The following GRIA3 variants were observed in gnomAD, a reference collection of about 807,000 sequenced individuals.
GRIA3 encodes the protein glutamate ionotropic receptor AMPA type subunit 3.
Under a neutral mutation model 63.0 loss-of-function variants are expected in GRIA3, and 3 were observed. The observed-to-expected ratio is 0.05, with a 90% CI of 0.02 to 0.12. The LOEUF (loss-of-function observed/expected upper bound fraction) is 0.12, where lower values mean the gene tolerates loss of function less well. GRIA3 is among the 10% of genes least tolerant of loss of function. The pLI, the probability that GRIA3 is intolerant of heterozygous loss-of-function variation, is 1.00. For synonymous variants in GRIA3, 274 were observed against 257.9 expected (o/e 1.06, Z -0.60); for missense variants, 347 against 700.9 (o/e 0.50, Z 5.70).
intron 12 of GRIA3, among the ~76,000 whole-genome samples, chrX:123,457,089 G>A (rs1037849380): frequency 9.8e-5 from 11 of 111,831 alleles, no homozygotes; most frequent in Non-Finnish European, 1.5e-4. Flanking sequence ...AAATGAGTGA[G>A]GAAAAGTCAT....
intron 2 of GRIA3, among the ~76,000 whole-genome samples, chrX:123,238,503 T>G (rs1421866365): frequency 2.7e-5 from 3 of 112,087 alleles, no homozygotes; most frequent in African/African-American, 9.7e-5. Flanking sequence ...ATACATTTTA[T>G]TTTATGACCC....
At chrX:123,230,620 T>C (rs2044271113) in intron 2 of GRIA3, among the ~76,000 whole-genome samples, 1 of 111,347 alleles carries the variant, frequency 9.0e-6, no homozygotes, top group Non-Finnish European at 1.9e-5. Flanking sequence ...GTATAAATTA[T>C]AAAAATAACA....
intron 5 of GRIA3, among the ~76,000 whole-genome samples, chrX:123,384,992 CTTTAG>C (rs1236511022): frequency 2.7e-5 from 3 of 112,245 alleles, no homozygotes; most frequent in Admixed American, 9.4e-5. Flanking sequence ...TGCAGAAGCT[CTTTAG>C]TTTAATTAGG....
intron 3 of GRIA3, among the ~76,000 whole-genome samples, chrX:123,257,844 G>T (rs1237531349): frequency 9.0e-6 from 1 of 110,988 alleles, no homozygotes; most frequent in Non-Finnish European, 1.9e-5. Context: ...GCACAACCAG[G>T]GTAAAGTTTT....
At chrX:123,241,107 C>A (rs1384856167) in intron 2 of GRIA3, among the ~76,000 whole-genome samples, 1 of 111,524 alleles carries the variant, frequency 9.0e-6, no homozygotes, top group African/African-American at 3.3e-5. Context: ...AAGTAGCATG[C>A]CCAATAATTT....
chrX:123,210,755 C>T (rs1928022578), intron 2 of GRIA3, among the ~76,000 whole-genome samples: 1 of 111,694 alleles, frequency 9.0e-6, no homozygotes, highest in African/African-American at 3.2e-5. Flanking sequence ...TAAGGCTAGG[C>T]CTTTGCTGAT....
At chrX:123,247,760 GGAAAAGTGAAA>G (rs1430920174) in intron 2 of GRIA3, among the ~76,000 whole-genome samples, 2 of 111,041 alleles carry the variant, frequency 1.8e-5, no homozygotes, top group Non-Finnish European at 3.8e-5. Context: ...GAAATGGATA[GGAAAAGTGAAA>G]GAGATGGAAA....
intron 3 of GRIA3, among the ~76,000 whole-genome samples, chrX:123,264,663 C>A (rs1205217438): frequency 8.9e-6 from 1 of 111,954 alleles, no homozygotes; most frequent in Non-Finnish European, 1.9e-5. Context: ...TCTTCTCAGG[C>A]AGCCACTTTA....
At chrX:123,279,759 A>G (rs748044655) in intron 3 of GRIA3, among the ~76,000 whole-genome samples, 4 of 111,297 alleles carry the variant, frequency 3.6e-5, no homozygotes, top group Non-Finnish European at 7.5e-5. Flanking sequence ...ATTTCCCAGC[A>G]TGTTAATTTC....
chrX:123,325,340 C>A lies in GRIA3; in HGVS notation c.509-686C>A, dbSNP rs148368990. Among the ~76,000 whole-genome samples, 453 of 111,178 alleles carry A rather than the reference C, an allele frequency of 4.1e-3. 3 individuals are homozygous for A. Among genetic ancestry groups the A allele is most frequent in the African/African-American group, 0.013 (407 of 30,568 alleles). On this transcript the variant is annotated intron_variant, in intron 3 of 15. Transcript: ENST00000620443. Reference sequence around the variant, plus strand: ...TCTCTTTTTCTCATTCAATATAGATCCAGGGTAATGGTAGCTAACAGTTAT... The same window carrying A: ...TCTCTTTTTCTCATTCAATATAGATACAGGGTAATGGTAGCTAACAGTTAT...
intron 5 of GRIA3, among the ~76,000 whole-genome samples, chrX:123,357,648 G>A (rs1237185320): frequency 9.1e-6 from 1 of 110,108 alleles, no homozygotes; most frequent in East Asian, 2.8e-4. Context: ...TGGAGTGATA[G>A]AACTGAAAGA....
At chrX:123,257,894 G>C (rs1714432990) in intron 3 of GRIA3, among the ~76,000 whole-genome samples, 1 of 112,003 alleles carries the variant, frequency 8.9e-6, no homozygotes, top group Non-Finnish European at 1.9e-5. Context: ...TCAGGGCTTT[G>C]TTGACTCTGC....
intron 12 of GRIA3, among the ~76,000 whole-genome samples, chrX:123,448,139 C>G (rs1307289119): frequency 1.8e-5 from 2 of 112,360 alleles, no homozygotes; most frequent in African/African-American, 3.2e-5. Context: ...TAAATAAGAA[C>G]AGCAAGAATA....
At chrX:123,308,176 T>C (rs1355309108) in intron 3 of GRIA3, among the ~76,000 whole-genome samples, 1 of 112,094 alleles carries the variant, frequency 8.9e-6, no homozygotes, top group Admixed American at 9.5e-5. Flanking sequence ...CCAATCTGTG[T>C]TAACCAGCCA....
In GRIA3 at chrX:123,403,763, G is replaced by A. The variant is rs73553771; in HGVS notation, c.1293+244G>A. Among the ~76,000 whole-genome samples the A allele has an allele frequency of 0.012, 1,345 of 111,328 alleles. 25 individuals carry two copies. The highest frequency in any genetic ancestry group is 0.041 in the African/African-American group (1,243 of 30,653). On this transcript the variant is annotated intron_variant, in intron 9 of 15. Transcript: ENST00000620443. ...GATTATCATTTTCCTCTTTCTCCCC[G>A]CCTCCATGCCCGCCCGCATAGGACT... is the stretch of plus-strand genomic sequence containing the variant.
chrX:123,384,852 T>A (rs2045345745), intron 5 of GRIA3, among the ~76,000 whole-genome samples: 2 of 111,842 alleles, frequency 1.8e-5, no homozygotes, highest in African/African-American at 6.5e-5. Flanking sequence ...GTTGTTTGAG[T>A]TTTTTGTGTA....
intron 2 of GRIA3, among the ~76,000 whole-genome samples, chrX:123,210,812 A>G (rs932842519): frequency 5.4e-5 from 6 of 111,908 alleles, no homozygotes; most frequent in African/African-American, 1.6e-4. Context: ...ATCTAAGACT[A>G]TGCATATTCG....
At chrX:123,205,391 C>T (rs781540207) in intron 2 of GRIA3, among the ~76,000 whole-genome samples, 1 of 112,186 alleles carries the variant, frequency 8.9e-6, no homozygotes, top group Admixed American at 9.4e-5. Context: ...ATGCATCAAA[C>T]ACCTCCACAC....
At chrX:123,418,853 C>T in intron 11 of GRIA3, among the ~76,000 whole-genome samples, 1 of 112,104 alleles carries the variant, frequency 8.9e-6, no homozygotes, top group Non-Finnish European at 1.9e-5. Flanking sequence ...AGTTTCTTAT[C>T]AAGTAAGATA....
Sources: gnomAD v4.1 joint callset for allele counts (sites outside exome capture counted in the v4.1 genomes callset) on GRCh38, gnomAD v4.1.1 for gene constraint, MANE v1.5 for transcripts, NCBI Gene and HGNC (gene_info 2026-07-23, HGNC 2026-07-21) for gene names.